The following SOX10 variants were observed in gnomAD, a reference collection of about 807,000 sequenced individuals.
The protein encoded by SOX10 is SRY-box transcription factor 10.
A neutral mutation model predicts 35.0 loss-of-function variants in SOX10; 3 were observed. The ratio of observed to expected loss-of-function variants is 0.09; its 90% CI spans 0.04 to 0.22. The LOEUF is 0.22. Among genes scored for constraint, SOX10 ranks in the 10% least tolerant of loss-of-function variants. The pLI is 1.00. For synonymous variants in SOX10, 285 were observed against 291.0 expected (o/e 0.98, Z 0.21); for missense variants, 436 against 655.1 (o/e 0.67, Z 3.65).
chr22:37,976,184 C>T (rs1283520455), intron 3 of SOX10, among the ~76,000 whole-genome samples: 1 of 152,188 alleles, frequency 6.6e-6, no homozygotes, highest in Non-Finnish European at 1.5e-5. Flanking sequence ...GATGGCACCG[C>T]TGCACTGCAG....
chr22:37,981,203 A>C (rs547324177), intron 2 of SOX10, among the ~76,000 whole-genome samples: 29 of 152,170 alleles, frequency 1.9e-4, no homozygotes, highest in African/African-American at 6.7e-4. Context: ...TGCCTACCTA[A>C]CCACCCCACT....
chr22:37,974,008 C>T lies in SOX10; in HGVS notation c.888G>A (p.Glu296=). Residue 296 remains glutamate (E), a synonymous_variant, in exon 4 of 4, where the codon GAG becomes GAA. Coordinates refer to ENST00000396884, the MANE Select transcript of SOX10 (RefSeq NM_006941.4). This position sits in a 1 kb window ranked among gnomAD's most constrained non-coding sequence, Gnocchi z 5.4. The part of the protein sequence containing the change: ...MSNMETFDVA[E]LDQYLPPNGH... ...CATTGGGCGGCAGGTACTGGTCCAA[C>T]TCAGCCACATCAAAGGTCTCCATGT... is the stretch of plus-strand genomic sequence containing the variant. 6.2e-7 allele frequency: 1 copy of T among 1,613,712 alleles called. No homozygotes were observed. The highest frequency in any genetic ancestry group is 8.5e-7 in the Non-Finnish European group (1 of 1,179,994).
chr22:37,978,547 G>A lies in SOX10; in HGVS notation c.429-412C>T, dbSNP rs1932296513. On this transcript the variant is annotated intron_variant, in intron 2 of 3. Transcript: ENST00000396884. This position sits in a 1 kb window ranked among gnomAD's most constrained non-coding sequence, Gnocchi z 5.0. ...GGGGGTGAGCTCCCTGGGACTGAGG[G>A]TGGGCAATAGAAGCAGCATGGCTGG... Among the ~76,000 whole-genome samples, 1 of 152,228 alleles carries A rather than the reference G, an allele frequency of 6.6e-6. No homozygotes were observed. Among genetic ancestry groups the A allele is most frequent in the Non-Finnish European group, 1.5e-5 (1 of 68,032 alleles).
chr22:37,979,160 C>T (rs373223912), intron 2 of SOX10, among the ~76,000 whole-genome samples: 2 of 151,086 alleles, frequency 1.3e-5, no homozygotes, highest in African/African-American at 2.4e-5. Context: ...TGCCGTGATG[C>T]GGTCTCAGCT....
At position 37,980,131 on chromosome 22, in the gene SOX10, C is replaced by T. The variant is rs1053331514; in HGVS notation, c.429-1996G>A. Among the ~76,000 whole-genome samples the T allele has an allele frequency of 6.6e-6, 1 of 152,150 alleles. No individual in the cohort carries two copies. Among genetic ancestry groups the T allele is most frequent in the Non-Finnish European group, 1.5e-5 (1 of 68,024 alleles). ...CCGAGACTCTGTCAGAGTCAGTGTA[C>T]ACACTTAGGACAAAGATGCCGGAGC... On this transcript the variant is annotated intron_variant, in intron 2 of 3. Coordinates refer to ENST00000396884, the MANE Select transcript of SOX10 (RefSeq NM_006941.4). The surrounding 1 kb of genome is among the most constrained non-coding windows in gnomAD (Gnocchi z 4.1).
intron 2 of SOX10, among the ~76,000 whole-genome samples, chr22:37,979,581 C>T (rs931332867): frequency 1.3e-5 from 2 of 152,024 alleles, no homozygotes; most frequent in African/African-American, 4.8e-5. Context: ...ATCCTATATC[C>T]TTGTCCAGAA....
Position 37,973,857 on chromosome 22 carries a change from G to A in SOX10, c.1039C>T (p.Pro347Ser), listed in dbSNP as rs767228150. The A allele has an allele frequency of 6.2e-7, 1 of 1,608,080 alleles. No homozygotes were observed. The highest frequency in any genetic ancestry group is 1.3e-5 in the African/African-American group (1 of 74,840). The change falls in exon 4 of 4, where the codon CCA becomes TCA. Residue 347 changes from proline to serine, a missense_variant. Coordinates refer to ENST00000396884, the MANE Select transcript of SOX10 (RefSeq NM_006941.4). Reference sequence around the variant, plus strand: ...TGGGCTTTGGCATCCACACCAGGTGGTGAGACCGTGGGCAGAGCCACGCCT... The same window carrying A: ...TGGGCTTTGGCATCCACACCAGGTGATGAGACCGTGGGCAGAGCCACGCCT... Reference protein sequence around the residue: ...PPGVALPTVSPPGVDAKAQVK... With the variant: ...PPGVALPTVSSPGVDAKAQVK...
rs765287714 is a variant in SOX10, at chr22:37,973,604, G to A, written c.1292C>T (p.Ser431Leu). 8.7e-6 allele frequency: 14 copies of A among 1,612,904 alleles called. No homozygotes were observed. The highest frequency in any genetic ancestry group is 3.3e-5 in the South Asian group (3 of 91,072). The change falls in exon 4 of 4, where the codon TCG becomes TTG. Residue 431 changes from serine to leucine, a missense_variant. Physicochemically the swap from Ser to Leu is moderately radical, Grantham distance 145. This residue lies in a region of SOX10 where 285 missense variants were observed against 402.9 expected (regional missense o/e 0.71). Coordinates refer to ENST00000396884, the MANE Select transcript of SOX10 (RefSeq NM_006941.4). ...LYSAFSYMGP[S>L]QRPLYTAISD... ...GATGGCCGTGTAGAGGGGCCGCTGC[G>A]AGGGCCCCATATAGGAGAAGGCCGA...
At chr22:37,979,281 A>G (rs941861246) in intron 2 of SOX10, among the ~76,000 whole-genome samples, 3 of 151,222 alleles carry the variant, frequency 2.0e-5, no homozygotes, top group Non-Finnish European at 2.9e-5. Context: ...TATTTTTAGT[A>G]GAGACGAGGT....
In SOX10 at chr22:37,983,913, C is replaced by A. The variant is rs1932490629; in HGVS notation, c.-84-45G>T. On this transcript the variant is annotated intron_variant, in intron 1 of 3. Transcript: ENST00000396884. The surrounding 1 kb of genome is among the most constrained non-coding windows in gnomAD (Gnocchi z 9.5). ...GATGGAGCGGCCGCGCGCGCAGCCC[C>A]GAGGGCGGCCCGAGACAGGACGTGG... 5 of 737,876 alleles carry A rather than the reference C, an allele frequency of 6.8e-6. No homozygotes were observed. Among genetic ancestry groups the A allele is most frequent in the Non-Finnish European group, 9.3e-6 (5 of 537,792 alleles). The allele number at this position is 737,876 out of a possible 1,614,324, so 45.7% of individuals were successfully genotyped here.
At position 37,978,126 on chromosome 22, in the gene SOX10, G is replaced by A. The variant is rs766407815; in HGVS notation, c.438C>T (p.Asn146=). 1.1e-5 allele frequency: 17 copies of A among 1,568,902 alleles called. No individual in the cohort carries two copies. The highest frequency in any genetic ancestry group is 6.9e-5 in the South Asian group (6 of 86,810). The change falls in exon 3 of 4, where the codon AAC becomes AAT. Residue 146 remains asparagine (N), a synonymous_variant. Transcript: ENST00000396884. This position sits in a 1 kb window ranked among gnomAD's most constrained non-coding sequence, Gnocchi z 5.0. ...KTLGKLWRLL[N]ESDKRPFIEE... The stretch of plus-strand genomic sequence containing the variant: ...CGATGAAGGGGCGCTTGTCACTTTC[G>A]TTCAGCAGCCTGGGGTGTGGTGGGA...
chr22:37,978,691 G>T lies in SOX10; in HGVS notation c.429-556C>A, dbSNP rs1347896153. Among the ~76,000 whole-genome samples, 1 of 152,152 alleles carries T rather than the reference G, an allele frequency of 6.6e-6. No individual in the cohort carries two copies. Among genetic ancestry groups the T allele is most frequent in the Non-Finnish European group, 1.5e-5 (1 of 68,038 alleles). On this transcript the variant is annotated intron_variant, in intron 2 of 3. Coordinates refer to ENST00000396884, the MANE Select transcript of SOX10 (RefSeq NM_006941.4). The surrounding 1 kb of genome is among the most constrained non-coding windows in gnomAD (Gnocchi z 5.0). The stretch of plus-strand genomic sequence containing the variant: ...ATAACATTGGCTTAACTTGGGTGTG[G>T]GATTGGCCAGAATAATGGATGTGAG...
In SOX10 at chr22:37,973,936, C is replaced by T; in HGVS notation, c.960G>A (p.Leu320=). ...CACTGGCCACGGCCAGGGCACTGCC[C>T]AGCCCATAGCCGGCTGCTGAGTAGC... The part of the protein sequence containing the change: ...VSSYSAAGYG[L]GSALAVASGH... The change falls in exon 4 of 4, where the codon CTG becomes CTA. Residue 320 remains leucine, a synonymous_variant. Coordinates refer to ENST00000396884, the MANE Select transcript of SOX10 (RefSeq NM_006941.4). The T allele has an allele frequency of 6.2e-7, 1 of 1,610,576 alleles. No homozygotes were observed. The highest frequency in any genetic ancestry group is 8.5e-7 in the Non-Finnish European group (1 of 1,179,924).
chr22:37,973,796 G>C lies in SOX10; in HGVS notation c.1100C>G (p.Pro367Arg), dbSNP rs1463674066. The change falls in exon 4 of 4, where the codon CCA becomes CGA. Residue 367 changes from proline to arginine, a missense_variant. Pro to Arg is a moderately radical substitution (Grantham distance 103). Coordinates refer to ENST00000396884, the MANE Select transcript of SOX10 (RefSeq NM_006941.4). ...KTETAGPQGP[P>R]HYTDQPSTSQ... ...GGTGGATGGCTGGTCGGTGTAGTGT[G>C]GGGGCCCCTGGGGCCCCGCGGTCTC... 6.3e-7 allele frequency: 1 copy of C among 1,595,518 alleles called. No individual in the cohort carries two copies. The highest frequency in any genetic ancestry group is 1.3e-5 in the African/African-American group (1 of 74,388).
chr22:37,982,485 C>T (rs540989238), intron 2 of SOX10, among the ~76,000 whole-genome samples: 11 of 152,222 alleles, frequency 7.2e-5, no homozygotes, highest in South Asian at 4.1e-4. Context: ...TTGCTCCCTG[C>T]GGGGGATGTT....
chr22:37,977,725 C>G, intron 3 of SOX10, 142 bp downstream of exon 3: 2 of 916,122 alleles, frequency 2.2e-6, no homozygotes, highest in Non-Finnish European at 3.3e-6. Context: ...ATGGAGCTCC[C>G]TCTGGGCCCC....
rs1008900603 is a variant in SOX10, at chr22:37,984,384, G to A, written c.-130C>T. ...GTCTGGGGCTCGTCCTTAGGAAGTGGAAAACCGTGTCCCAAGGTGTGCGGT... is the reference window on the plus strand; with the variant it reads ...GTCTGGGGCTCGTCCTTAGGAAGTGAAAAACCGTGTCCCAAGGTGTGCGGT... On this transcript the variant is annotated 5_prime_UTR_variant, in exon 1 of 4. Transcript: ENST00000396884. This position sits in a 1 kb window ranked among gnomAD's most constrained non-coding sequence, Gnocchi z 4.4. The A allele has an allele frequency of 7.3e-6, 1 of 137,352 alleles. No homozygotes were observed. Among genetic ancestry groups the A allele is most frequent in the African/African-American group, 2.7e-5 (1 of 37,646 alleles). 8.5% of individuals were successfully genotyped at this position (137,352 alleles called of 1,614,324 possible).
chr22:37,973,800 G>T lies in SOX10; in HGVS notation c.1096C>A (p.Pro366Thr). 6.3e-7 allele frequency: 1 copy of T among 1,595,254 alleles called. No homozygotes were observed. The highest frequency in any genetic ancestry group is 8.6e-7 in the Non-Finnish European group (1 of 1,168,348). Residue 366 changes from proline to threonine, a missense_variant, in exon 4 of 4, where the codon CCC (proline) becomes ACC (threonine). This residue lies in a region of SOX10 where 285 missense variants were observed against 402.9 expected (regional missense o/e 0.71). Transcript: ENST00000396884. The part of the protein sequence containing the change: ...VKTETAGPQG[P>T]PHYTDQPSTS... Reference sequence around the variant, plus strand: ...GATGGCTGGTCGGTGTAGTGTGGGGGCCCCTGGGGCCCCGCGGTCTCTGTC... The same window carrying T: ...GATGGCTGGTCGGTGTAGTGTGGGGTCCCCTGGGGCCCCGCGGTCTCTGTC...
Position 37,979,201 on chromosome 22 carries a change from G to T in SOX10, c.429-1066C>A, listed in dbSNP as rs556440794. On this transcript the variant is annotated intron_variant, in intron 2 of 3. Transcript: ENST00000396884. Reference sequence around the variant, plus strand: ...CAATCTCGGCTTCCTGAGTTCAAGCGATTCTCCTGCCTCAGCCTCCCGGGT... The same window carrying T: ...CAATCTCGGCTTCCTGAGTTCAAGCTATTCTCCTGCCTCAGCCTCCCGGGT... Among the ~76,000 whole-genome samples the T allele has an allele frequency of 4.6e-5, 7 of 152,194 alleles. No homozygotes were observed. In the South Asian group the frequency reaches 1.5e-3, roughly 32 times the overall value.
Sources: gnomAD v4.1 joint callset for allele counts (sites outside exome capture counted in the v4.1 genomes callset) on GRCh38, gnomAD v4.1.1 for gene constraint, gnomAD v4.1.1 regional missense constraint, Gnocchi (gnomAD v3.1) non-coding constraint, MANE v1.5 for transcripts, NCBI Gene and HGNC (gene_info 2026-07-23, HGNC 2026-07-21) for gene names.